Variants in AGPS observed in about 807,000 individuals in gnomAD.
AGPS encodes the protein alkylglycerone phosphate synthase, also known as alkyldihydroxyacetonephosphate synthase, peroxisomal.
AGPS carries 26 observed loss-of-function variants against 90.7 expected under a neutral mutation model. The observed-to-expected ratio is 0.29, with a 90% CI of 0.21 to 0.40. AGPS has a LOEUF of 0.40. Among genes scored for constraint, AGPS ranks in the 10% least tolerant of loss-of-function variants. The probability of loss-of-function intolerance (pLI) is 1.00; values close to 1 mark genes in which losing one functional copy is unlikely to be tolerated. For synonymous variants in AGPS, 294 were observed against 285.3 expected (o/e 1.03, Z -0.31); for missense variants, 540 against 816.1 (o/e 0.66, Z 4.12).
At chr2:177,494,624 G>C (rs1043925593) in intron 12 of AGPS, among the ~76,000 whole-genome samples, 1 of 152,140 alleles carries the variant, frequency 6.6e-6, no homozygotes, top group Non-Finnish European at 1.5e-5. Flanking sequence ...TTTAAAGAAA[G>C]TCTTCCTGTC....
intron 5 of AGPS, among the ~76,000 whole-genome samples, chr2:177,439,330 T>C (rs1177059340): frequency 6.6e-6 from 1 of 152,110 alleles, no homozygotes; most frequent in Non-Finnish European, 1.5e-5. Context: ...AAGAAAAGCA[T>C]GTAAGAGGGT....
intron 2 of AGPS, among the ~76,000 whole-genome samples, chr2:177,433,687 T>C (rs1219566284): frequency 6.6e-6 from 1 of 152,216 alleles, no homozygotes. Flanking sequence ...TAAAAGACTT[T>C]TTTTTTCTTA....
intron 8 of AGPS, among the ~76,000 whole-genome samples, chr2:177,458,278 A>T (rs964779095): frequency 2.0e-5 from 3 of 152,242 alleles, no homozygotes; most frequent in Non-Finnish European, 4.4e-5. Flanking sequence ...GAAAACTGGC[A>T]CAAGACAAGG....
intron 8 of AGPS, among the ~76,000 whole-genome samples, chr2:177,450,975 T>TATATACACATATA (rs1434749270): frequency 7.3e-6 from 1 of 136,570 alleles, no homozygotes; most frequent in Non-Finnish European, 1.5e-5. Context: ...TATATATATA[T>TATATACACATATA]TTTAGAGACA....
intron 14 of AGPS, among the ~76,000 whole-genome samples, chr2:177,502,250 AT>A (rs11300745): frequency 0.83 from 124,580 of 149,208 alleles, 52,022 homozygotes; most frequent in East Asian, 0.94. Flanking sequence ...TTGAGGTCTC[AT>A]TTTTTTTTTT....
intron 11 of AGPS, among the ~76,000 whole-genome samples, chr2:177,491,797 T>C (rs1185511038): frequency 1.5e-5 from 2 of 133,184 alleles, no homozygotes; most frequent in African/African-American, 5.5e-5. Flanking sequence ...TGTTTTGTTT[T>C]GTTTTTGAGA....
At chr2:177,516,068 G>A (rs1175406085) in intron 17 of AGPS, among the ~76,000 whole-genome samples, 2 of 152,022 alleles carry the variant, frequency 1.3e-5, no homozygotes, top group South Asian at 2.1e-4. Flanking sequence ...TCAGCATCAC[G>A]CAATATTCCC....
intron 2 of AGPS, among the ~76,000 whole-genome samples, chr2:177,428,347 A>AT (rs751663417): frequency 5.9e-5 from 9 of 152,146 alleles, no homozygotes; most frequent in Non-Finnish European, 1.0e-4. Context: ...TTATGTGTGA[A>AT]TTTGATCCTG....
At chr2:177,521,765 T>C (rs971413568) in intron 18 of AGPS, among the ~76,000 whole-genome samples, 2 of 152,328 alleles carry the variant, frequency 1.3e-5, no homozygotes, top group Middle Eastern at 3.4e-3. Context: ...CATTCTAGAT[T>C]TGTAATTTTT....
At chr2:177,409,722 G>C (rs1019726482) in intron 1 of AGPS, among the ~76,000 whole-genome samples, 2 of 152,130 alleles carry the variant, frequency 1.3e-5, no homozygotes, top group African/African-American at 4.8e-5. Flanking sequence ...ATCAACATTG[G>C]AGCATGGGCT....
At chr2:177,521,500 TGAAAA>T in intron 18 of AGPS, 132 bp downstream of exon 18, 1 of 785,692 alleles carries the variant, frequency 1.3e-6, no homozygotes, top group Non-Finnish European at 2.2e-6. Flanking sequence ...CCCTTAGAAA[TGAAAA>T]GCATATTTGT....
At chr2:177,404,981 A>G (rs989344546) in intron 1 of AGPS, among the ~76,000 whole-genome samples, 6 of 152,214 alleles carry the variant, frequency 3.9e-5, no homozygotes, top group African/African-American at 1.4e-4. Flanking sequence ...GTTAAAGCAG[A>G]AAAGGGAAAT....
At chr2:177,522,068 A>G (rs998163518) in intron 18 of AGPS, among the ~76,000 whole-genome samples, 2 of 151,802 alleles carry the variant, frequency 1.3e-5, no homozygotes, top group African/African-American at 2.4e-5. Flanking sequence ...GCTTCCTCCT[A>G]TGCCTCCTCT....
chr2:177,394,283 C>G (rs1014014332), intron 1 of AGPS, among the ~76,000 whole-genome samples: 1 of 152,178 alleles, frequency 6.6e-6, no homozygotes, highest in Non-Finnish European at 1.5e-5. Context: ...AACTATACCA[C>G]CTGGTCATTT....
intron 13 of AGPS, among the ~76,000 whole-genome samples, chr2:177,498,073 A>T (rs1436270055): frequency 6.6e-6 from 1 of 151,348 alleles, no homozygotes; most frequent in African/African-American, 2.4e-5. Flanking sequence ...AAGAGTGTGG[A>T]TTTTTTTTAA....
At chr2:177,441,161 A>G in intron 6 of AGPS, 125 bp downstream of exon 6, 1 of 870,036 alleles carries the variant, frequency 1.1e-6, no homozygotes, top group Admixed American at 2.2e-5. Flanking sequence ...GTTATTCTCA[A>G]AAATTGGTCA....
At chr2:177,494,303 AAGTT>A (rs1201840481) in intron 12 of AGPS, among the ~76,000 whole-genome samples, 4 of 152,198 alleles carry the variant, frequency 2.6e-5, no homozygotes, top group Non-Finnish European at 5.9e-5. Flanking sequence ...ACATTCTTCT[AAGTT>A]AGTCATAATT....
At chr2:177,469,490 A>T (rs781592372) in intron 10 of AGPS, among the ~76,000 whole-genome samples, 4 of 152,152 alleles carry the variant, frequency 2.6e-5, no homozygotes, top group Non-Finnish European at 5.9e-5. Context: ...GATGTTTTTC[A>T]TGGTAACCAA....
intron 19 of AGPS, among the ~76,000 whole-genome samples, chr2:177,535,184 G>A (rs956820600): frequency 9.2e-5 from 14 of 152,064 alleles, no homozygotes; most frequent in Non-Finnish European, 1.8e-4. Flanking sequence ...AGAAGAATAG[G>A]CTTTATGTGG....
Sources: allele counts gnomAD v4.1 joint callset (sites outside exome capture counted in the v4.1 genomes callset), GRCh38; gene constraint gnomAD v4.1.1; transcripts MANE v1.5; gene names NCBI Gene and HGNC (gene_info 2026-07-23, HGNC 2026-07-21).